Variants in GSE1 observed in about 807,000 individuals in gnomAD.
GSE1 encodes Gse1 coiled-coil protein.
GSE1 carries 32 observed loss-of-function variants against 112.6 expected under a neutral mutation model. The observed-to-expected ratio is 0.28, with a 90% CI of 0.21 to 0.38. The LOEUF is 0.38. GSE1 is among the 10% of genes least tolerant of loss of function. The pLI is 1.00. For missense variants in GSE1, 2,348 were observed against 1,699.2 expected (o/e 1.38, Z -6.71); for synonymous variants, 1,115 against 735.6 (o/e 1.52, Z -8.35).
At chr16:85,233,927 G>T (rs897019260) in intron 1 of GSE1, among the ~76,000 whole-genome samples, 10 of 152,118 alleles carry the variant, frequency 6.6e-5, no homozygotes, top group African/African-American at 9.7e-5. Context: ...TCCACACATG[G>T]CAGGGATCAC....
chr16:85,522,595 C>T (rs529689089), intron 2 of GSE1, among the ~76,000 whole-genome samples: 1 of 152,238 alleles, frequency 6.6e-6, no homozygotes, highest in Non-Finnish European at 1.5e-5. Context: ...TAATTTGCAT[C>T]CTACTGATGG....
At chr16:85,185,362 G>T (rs1201704044) in intron 1 of GSE1, 2 of 152,360 alleles carry the variant, frequency 1.3e-5, no homozygotes, top group African/African-American at 4.8e-5. Context: ...GGGTCTGAGA[G>T]ATGCTCCTTC....
chr16:85,642,422 C>T (rs1275747910), intron 2 of GSE1, among the ~76,000 whole-genome samples: 2 of 152,322 alleles, frequency 1.3e-5, no homozygotes, highest in Non-Finnish European at 1.5e-5. Flanking sequence ...GGGTTCCCAC[C>T]CTGGCCGGCA....
At chr16:85,643,567 C>T (rs2050619307) in intron 2 of GSE1, among the ~76,000 whole-genome samples, 2 of 152,182 alleles carry the variant, frequency 1.3e-5, no homozygotes, top group South Asian at 4.1e-4. Flanking sequence ...TGGCAGCTGC[C>T]TTGGTCATGG....
At chr16:85,281,914 C>T (rs992810462) in intron 1 of GSE1, among the ~76,000 whole-genome samples, 2 of 152,190 alleles carry the variant, frequency 1.3e-5, no homozygotes, top group Non-Finnish European at 2.9e-5. Context: ...TTGCCAGAAA[C>T]CTCACAGTCC....
chr16:85,641,797 C>G lies in GSE1; in HGVS notation c.227-6755C>G, dbSNP rs1039336622. 3.9e-5 allele frequency among the ~76,000 whole-genome samples: 6 copies of G among 152,378 alleles called. No individual in the cohort carries two copies. The East Asian group carries it at 1.2e-3, about 29-fold the overall frequency. ...GAAAGTGGCTGGGGTGACTCAGCTC[C>G]TGTCCCACTTCCCTACTCACTGGCT... On this transcript the variant is annotated intron_variant, in intron 2 of 15. Coordinates refer to ENST00000253458, the MANE Select transcript of GSE1 (RefSeq NM_014615.5).
In GSE1 at chr16:85,648,703, C is replaced by G; in HGVS notation, c.378C>G (p.Ile126Met). 1 of 1,608,520 alleles carries G rather than the reference C, an allele frequency of 6.2e-7. No individual in the cohort carries two copies. Among genetic ancestry groups the G allele is most frequent in the Non-Finnish European group, 8.5e-7 (1 of 1,177,772 alleles). The change falls in exon 3 of 16, where the codon ATC (isoleucine) becomes ATG (methionine). Residue 126 changes from isoleucine to methionine, a missense_variant. Transcript: ENST00000253458. ...SVPSTPPVVT[I>M]APTKTVNGVW... is the part of the protein sequence containing the mutation. ...CCAGCACCCCCCCCGTGGTGACCAT[C>G]GCTCCAACCAAAACCGTGAATGGTG...
At chr16:85,461,034 G>A (rs2049954081) in intron 2 of GSE1, among the ~76,000 whole-genome samples, 2 of 152,214 alleles carry the variant, frequency 1.3e-5, no homozygotes, top group Non-Finnish European at 2.9e-5. Flanking sequence ...TCTGGAGTGG[G>A]AAGGGAGACC....
intron 2 of GSE1, among the ~76,000 whole-genome samples, chr16:85,421,196 AG>A (rs377725478): frequency 1.3e-5 from 2 of 152,264 alleles, no homozygotes; most frequent in African/African-American, 4.8e-5. Context: ...GAGTGCAAGC[AG>A]GCACCCTCCT....
chr16:85,555,362 G>A, upstream of GSE1: 1 of 984,958 alleles, frequency 1.0e-6, no homozygotes, highest in Non-Finnish European at 1.2e-6. Context: ...TGAGTCAGTG[G>A]TGGGACGCCG....
intron 1 of GSE1, among the ~76,000 whole-genome samples, chr16:85,332,278 T>A (rs1180359619): frequency 6.6e-6 from 1 of 152,212 alleles, no homozygotes; most frequent in African/African-American, 2.4e-5. Context: ...TGGGTCTGTA[T>A]GCCTTGGTCT....
At chr16:85,542,811 A>C (rs575012325) in intron 2 of GSE1, among the ~76,000 whole-genome samples, 3 of 152,366 alleles carry the variant, frequency 2.0e-5, no homozygotes, top group South Asian at 2.1e-4. Flanking sequence ...TCCCAAGTCC[A>C]GCACCAGGCT....
chr16:85,584,219 C>A (rs1055641076), intron 1 of GSE1, among the ~76,000 whole-genome samples: 1 of 152,166 alleles, frequency 6.6e-6, no homozygotes. Context: ...AGATGCCAGG[C>A]TGGTTCGGGG....
intron 1 of GSE1, among the ~76,000 whole-genome samples, chr16:85,600,975 G>T (rs991450074): frequency 6.6e-6 from 1 of 151,346 alleles, no homozygotes; most frequent in Admixed American, 6.6e-5. Flanking sequence ...CAACCCCTCG[G>T]TGGGAGGAGG....
intron 1 of GSE1, among the ~76,000 whole-genome samples, chr16:85,289,456 C>T (rs768110546): frequency 6.6e-6 from 1 of 152,210 alleles, no homozygotes. Flanking sequence ...TGGTGCCAGG[C>T]CTCTCAAACC....
intron 1 of GSE1, among the ~76,000 whole-genome samples, chr16:85,241,127 A>T (rs1905131268): frequency 6.6e-6 from 1 of 151,950 alleles, no homozygotes; most frequent in South Asian, 2.1e-4. Flanking sequence ...CTGAGCTTGA[A>T]CCTGGCTCTG....
chr16:85,248,237 G>GGCCTCCCTCT (rs1226940420), intron 1 of GSE1, among the ~76,000 whole-genome samples: 1 of 152,056 alleles, frequency 6.6e-6, no homozygotes, highest in Non-Finnish European at 1.5e-5. Context: ...ACTCCGCCTC[G>GGCCTCCCTCT]GCCTCCCTCT....
chr16:85,287,365 G>A (rs912674923), intron 1 of GSE1, among the ~76,000 whole-genome samples: 2 of 152,122 alleles, frequency 1.3e-5, no homozygotes, highest in African/African-American at 4.8e-5. Context: ...GGGTTTTGTG[G>A]GACCTCATGG....
At chr16:85,182,797 G>A (rs1050210963) in intron 1 of GSE1, among the ~76,000 whole-genome samples, 2 of 152,104 alleles carry the variant, frequency 1.3e-5, no homozygotes, top group Non-Finnish European at 2.9e-5. Flanking sequence ...GGCTGCATGA[G>A]ATGGGAGTGA....
Sources: gnomAD v4.1 joint callset for allele counts (sites outside exome capture counted in the v4.1 genomes callset) on GRCh38, gnomAD v4.1.1 for gene constraint, MANE v1.5 for transcripts, NCBI Gene and HGNC (gene_info 2026-07-23, HGNC 2026-07-21) for gene names.